Variants in PAFAH1B1 observed in about 807,000 individuals in gnomAD.
PAFAH1B1 encodes the protein platelet-activating factor acetylhydrolase IB subunit beta.
PAFAH1B1 carries 2 observed loss-of-function variants against 57.5 expected under a neutral mutation model. That is an observed-to-expected ratio of 0.03 (90% CI 0.01 to 0.11). The LOEUF (loss-of-function observed/expected upper bound fraction) is 0.11. Among genes scored for constraint, PAFAH1B1 ranks in the 10% least tolerant of loss-of-function variants. The pLI, the probability that PAFAH1B1 is intolerant of heterozygous loss-of-function variation, is 1.00. For synonymous variants in PAFAH1B1, 152 were observed against 169.6 expected (o/e 0.90, Z 0.81); for missense variants, 257 against 512.0 (o/e 0.50, Z 4.81).
intron 1 of PAFAH1B1, among the ~76,000 whole-genome samples, chr17:2,633,961 CTTTTTTTTT>C (rs553588827): frequency 8.4e-6 from 1 of 119,746 alleles, no homozygotes; most frequent in East Asian, 2.6e-4. Flanking sequence ...AGTACCAAAC[CTTTTTTTTT>C]TTTTTTTTTT....
In PAFAH1B1 at chr17:2,682,585, T is replaced by A. The variant is rs1455842840; in HGVS notation, c.*783T>A. The A allele has an allele frequency of 6.5e-6, 1 of 152,676 alleles. No homozygotes were observed. The highest frequency in any genetic ancestry group is 1.5e-5 in the Non-Finnish European group (1 of 68,054). The allele number at this position is 152,676 out of a possible 1,614,324, so 9.5% of individuals were successfully genotyped here. A position where few individuals can be genotyped will look rare whatever the true frequency, so the allele number is the denominator to read the frequency against. ...ACACTGGACATACTTCTAGTTGTAT[T>A]CTCCATACTATTAGACTGTGTAGTG... is the stretch of plus-strand genomic sequence containing the variant. On this transcript the variant is annotated 3_prime_UTR_variant, in exon 11 of 11. Transcript: ENST00000397195.
chr17:2,678,563 C>T (rs1597579260), intron 9 of PAFAH1B1, among the ~76,000 whole-genome samples: 1 of 151,472 alleles, frequency 6.6e-6, no homozygotes, highest in East Asian at 2.0e-4. Context: ...AAGACTCTGT[C>T]TCCAGGAAAA....
chr17:2,672,773 T>C lies in PAFAH1B1; in HGVS notation c.671+16T>C, dbSNP rs774993809. ...TGCAAACTGGGTAAGTAAGTTTAGT[T>C]GAAAAGGCATCAGCGGCCAGGTGCA... On this transcript the variant is annotated intron_variant, in intron 7 of 10. Coordinates refer to ENST00000397195, the MANE Select transcript of PAFAH1B1 (RefSeq NM_000430.4). 7.9e-6 allele frequency: 12 copies of C among 1,521,312 alleles called. No individual in the cohort carries two copies. In the South Asian group the frequency reaches 1.3e-4, roughly 17 times the overall value. The allele number at this position is 1,521,312 out of a possible 1,614,324, so 94.2% of individuals were successfully genotyped here. A position where few individuals can be genotyped will look rare whatever the true frequency, so the allele number is the denominator to read the frequency against.
At chr17:2,634,472 TTGAC>T (rs993356401) in intron 1 of PAFAH1B1, among the ~76,000 whole-genome samples, 1 of 152,160 alleles carries the variant, frequency 6.6e-6, no homozygotes, top group Non-Finnish European at 1.5e-5. Flanking sequence ...ACTTGACTCC[TTGAC>T]TGACTTTCTC....
intron 2 of PAFAH1B1, among the ~76,000 whole-genome samples, chr17:2,657,161 A>G (rs568928713): frequency 6.6e-6 from 1 of 152,108 alleles, no homozygotes; most frequent in South Asian, 2.1e-4. Context: ...GGTTTGAGAG[A>G]TTTCTTTTTT....
intron 4 of PAFAH1B1, 33 bp from the exon 5 acceptor site, chr17:2,666,959 C>CT (rs2069114030): frequency 3.3e-6 from 5 of 1,502,862 alleles, no homozygotes; most frequent in African/African-American, 1.4e-5. Context: ...TTATTGAAAT[C>CT]TATCTGTACG....
Position 2,666,071 on chromosome 17 carries a change from T to C in PAFAH1B1, c.173T>C (p.Val58Ala). ...AGLLEKKWTSVIRLQKKVMEL... is the reference protein window; with the variant it reads ...AGLLEKKWTSAIRLQKKVMEL... ...CTTTTGGAAAAAAAATGGACATCTGTTATTAGATTACAAAAGAAGGTAACT... is the reference window on the plus strand; with the variant it reads ...CTTTTGGAAAAAAAATGGACATCTGCTATTAGATTACAAAAGAAGGTAACT... Residue 58 changes from valine (V) to alanine (A), a missense_variant, in exon 4 of 11, where the codon GTT becomes GCT. Coordinates refer to ENST00000397195, the MANE Select transcript of PAFAH1B1 (RefSeq NM_000430.4). 6.6e-7 allele frequency: 1 copy of C among 1,515,340 alleles called. No individual in the cohort carries two copies. Among genetic ancestry groups the C allele is most frequent in the Non-Finnish European group, 9.0e-7 (1 of 1,105,780 alleles). 93.9% of individuals were successfully genotyped at this position (1,515,340 alleles called of 1,614,324 possible).
intron 1 of PAFAH1B1, among the ~76,000 whole-genome samples, chr17:2,619,932 C>G (rs1597524478): frequency 6.6e-6 from 1 of 152,096 alleles, no homozygotes; most frequent in East Asian, 1.9e-4. Context: ...GCATGCACCA[C>G]TATGCTTGGC....
chr17:2,614,738 C>T (rs1483676902), intron 1 of PAFAH1B1, among the ~76,000 whole-genome samples: 1 of 152,022 alleles, frequency 6.6e-6, no homozygotes, highest in Non-Finnish European at 1.5e-5. Flanking sequence ...CCATGCATGG[C>T]TAGATTTTAT....
At chr17:2,646,380 T>G (rs1028832406) in intron 2 of PAFAH1B1, among the ~76,000 whole-genome samples, 3 of 152,236 alleles carry the variant, frequency 2.0e-5, no homozygotes, top group East Asian at 1.9e-4. Flanking sequence ...TTCAAACTTA[T>G]GAGAGTACGG....
chr17:2,613,078 A>G (rs373783661), intron 1 of PAFAH1B1, among the ~76,000 whole-genome samples: 12 of 146,606 alleles, frequency 8.2e-5, no homozygotes, highest in African/African-American at 3.0e-4. Flanking sequence ...TTCAAATTTT[A>G]GTGTCCATAA....
At chr17:2,665,096 T>G (rs2151658918) in intron 2 of PAFAH1B1, among the ~76,000 whole-genome samples, 1 of 152,238 alleles carries the variant, frequency 6.6e-6, no homozygotes, top group South Asian at 2.1e-4. Flanking sequence ...AAGCAACACA[T>G]TTGAAACTTA....
chr17:2,618,987 A>G (rs1351882612), intron 1 of PAFAH1B1, among the ~76,000 whole-genome samples: 1 of 151,280 alleles, frequency 6.6e-6, no homozygotes, highest in Non-Finnish European at 1.5e-5. Context: ...ATTCAGAGCA[A>G]CAGTCATATA....
intron 1 of PAFAH1B1, among the ~76,000 whole-genome samples, chr17:2,594,338 C>T (rs2068059574): frequency 6.6e-6 from 1 of 152,230 alleles, no homozygotes; most frequent in African/African-American, 2.4e-5. Context: ...GATCGCCCTC[C>T]TCCCTCGGTG....
At chr17:2,652,147 C>G (rs551384732) in intron 2 of PAFAH1B1, among the ~76,000 whole-genome samples, 1 of 78,848 alleles carries the variant, frequency 1.3e-5, no homozygotes, top group Non-Finnish European at 2.9e-5. Flanking sequence ...CACAGTGGCT[C>G]ACGCCTGTAA....
At chr17:2,668,716 C>A (rs1226291318) in intron 5 of PAFAH1B1, among the ~76,000 whole-genome samples, 1 of 150,740 alleles carries the variant, frequency 6.6e-6, no homozygotes, top group African/African-American at 2.4e-5. Context: ...TAGCTCATGC[C>A]TGTAATCCCA....
chr17:2,626,583 T>C (rs990662821), intron 1 of PAFAH1B1, among the ~76,000 whole-genome samples: 16 of 95,344 alleles, frequency 1.7e-4, no homozygotes, highest in Non-Finnish European at 9.7e-5. Flanking sequence ...AGGCGGAGTC[T>C]TGTTCTGTCG....
In PAFAH1B1 at chr17:2,664,694, T is replaced by TCTCTC. The variant is rs1567554200; in HGVS notation, c.33-678_33-677insCTCTC. Reference sequence around the variant, plus strand: ...TCTCTCTCTCTCTCTCTCTCTCTCTTTCTCTCTCCATCTATAAAGCCCAAA... The same window carrying TCTCTC: ...TCTCTCTCTCTCTCTCTCTCTCTCTTCTCTCTCTCTCTCCATCTATAAAGCCCAAA... On this transcript the variant is annotated intron_variant, in intron 2 of 10. Coordinates refer to ENST00000397195, the MANE Select transcript of PAFAH1B1 (RefSeq NM_000430.4). Among the ~76,000 whole-genome samples the TCTCTC allele has an allele frequency of 6.3e-3, 716 of 114,516 alleles. 11 individuals carry two copies. Among genetic ancestry groups the TCTCTC allele is most frequent in the Admixed American group, 0.011 (129 of 11,366 alleles). The allele number at this position is 114,516 out of a possible 152,430, so 75.1% of individuals were successfully genotyped here.
At chr17:2,659,180 G>C (rs563094217) in intron 2 of PAFAH1B1, among the ~76,000 whole-genome samples, 1 of 150,372 alleles carries the variant, frequency 6.7e-6, no homozygotes, top group Non-Finnish European at 1.5e-5. Flanking sequence ...GAACCCAGGA[G>C]GGGGAGGTTG....
Sources: allele counts gnomAD v4.1 joint callset (sites outside exome capture counted in the v4.1 genomes callset), GRCh38; gene constraint gnomAD v4.1.1; transcripts MANE v1.5; gene names NCBI Gene and HGNC (gene_info 2026-07-23, HGNC 2026-07-21).